Variants in NOX3 observed in about 807,000 individuals in gnomAD.
NOX3 encodes the protein NADPH oxidase catalytic subunit-like 3.
NOX3 carries 74 observed loss-of-function variants against 76.7 expected under a neutral mutation model. The ratio of observed to expected loss-of-function variants is 0.96; its 90% CI spans 0.80 to 1.17. The LOEUF (loss-of-function observed/expected upper bound fraction) is 1.17, where lower values mean the gene tolerates loss of function less well. NOX3 is among the 50% of genes most tolerant of loss of function. The pLI is 0.00. For missense variants in NOX3, 695 were observed against 703.3 expected, an observed-to-expected ratio of 0.99 and a Z score of 0.13; for synonymous variants, 263 against 261.1, an observed-to-expected ratio of 1.01 and a Z score of -0.07.
intron 11 of NOX3, among the ~76,000 whole-genome samples, chr6:155,409,859 C>T (rs571016399): frequency 6.6e-5 from 10 of 152,162 alleles, no homozygotes; most frequent in East Asian, 3.9e-4. Context: ...GTAGTAGAGA[C>T]GGGAGGGGGC....
intron 9 of NOX3, among the ~76,000 whole-genome samples, chr6:155,423,151 C>A (rs898274432): frequency 6.6e-6 from 1 of 152,162 alleles, no homozygotes; most frequent in Admixed American, 6.5e-5. Flanking sequence ...CTCCTTACAG[C>A]GCTTAGAAGC....
At chr6:155,435,713 G>T (rs566965810) in intron 7 of NOX3, among the ~76,000 whole-genome samples, 1 of 152,154 alleles carries the variant, frequency 6.6e-6, no homozygotes, top group African/African-American at 2.4e-5. Flanking sequence ...TCACTTGGTT[G>T]TCCCAAAGAT....
chr6:155,422,154 C>T (rs921495532), intron 10 of NOX3, among the ~76,000 whole-genome samples: 9 of 152,120 alleles, frequency 5.9e-5, no homozygotes, highest in Non-Finnish European at 8.8e-5. Context: ...GATGGAGTGT[C>T]TAGATACGAC....
chr6:155,430,177 G>C (rs1776813847), intron 8 of NOX3, among the ~76,000 whole-genome samples: 1 of 152,118 alleles, frequency 6.6e-6, no homozygotes, highest in African/African-American at 2.4e-5. Flanking sequence ...GAGAGTATTT[G>C]GCACCTTTTC....
At chr6:155,409,233 G>T (rs1396136183) in intron 11 of NOX3, among the ~76,000 whole-genome samples, 1 of 152,164 alleles carries the variant, frequency 6.6e-6, no homozygotes, top group Non-Finnish European at 1.5e-5. Context: ...GTGGCAGAGG[G>T]TGTTAAGTGA....
chr6:155,453,505 A>G lies in NOX3; in HGVS notation c.256-17T>C. 1 of 1,582,062 alleles carries G rather than the reference A, an allele frequency of 6.3e-7. No individual in the cohort carries two copies. The highest frequency in any genetic ancestry group is 8.7e-7 in the Non-Finnish European group (1 of 1,151,052). On this transcript the variant is annotated splice_polypyrimidine_tract_variant and intron_variant, in intron 3 of 13. Coordinates refer to ENST00000159060, the MANE Select transcript of NOX3 (RefSeq NM_015718.3). ...TCTGCAGCACTAGAGTAACAAAAAA[A>G]TATGCCTGATTTATGGAAAAATTGC... is the stretch of plus-strand genomic sequence containing the variant.
intron 10 of NOX3, among the ~76,000 whole-genome samples, chr6:155,417,710 G>T (rs1368654767): frequency 6.6e-6 from 1 of 152,166 alleles, no homozygotes; most frequent in African/African-American, 2.4e-5. Context: ...AAAGTAAACA[G>T]ATTAAATTAA....
At chr6:155,426,984 C>CCTGCGGG (rs1776762825) in intron 9 of NOX3, among the ~76,000 whole-genome samples, 1 of 41,906 alleles carries the variant, frequency 2.4e-5, no homozygotes, top group Non-Finnish European at 4.5e-5. Context: ...GACACTGTGG[C>CCTGCGGG]GTGTGTGTGT....
intron 10 of NOX3, among the ~76,000 whole-genome samples, chr6:155,419,121 A>C (rs1776656925): frequency 6.6e-6 from 1 of 152,250 alleles, no homozygotes; most frequent in Non-Finnish European, 1.5e-5. Flanking sequence ...TGGAAGGAGT[A>C]GTCTTTATAT....
chr6:155,425,830 A>G (rs980004437), intron 9 of NOX3, among the ~76,000 whole-genome samples: 1 of 152,204 alleles, frequency 6.6e-6, no homozygotes, highest in South Asian at 2.1e-4. Context: ...AACTCCATCA[A>G]CTGAGAAATT....
chr6:155,436,321 A>G, intron 7 of NOX3, 97 bp downstream of exon 7: 3 of 1,367,122 alleles, frequency 2.2e-6, no homozygotes, highest in Non-Finnish European at 3.1e-6. Flanking sequence ...GGCTTTGTCT[A>G]GTGGTGAAAT....
intron 4 of NOX3, among the ~76,000 whole-genome samples, chr6:155,449,772 C>A (rs545812659): frequency 6.6e-6 from 1 of 152,282 alleles, no homozygotes; most frequent in East Asian, 1.9e-4. Context: ...TGTGGTCGCA[C>A]TTTTTCCAAG....
chr6:155,433,981 T>C (rs1776868618), intron 7 of NOX3, among the ~76,000 whole-genome samples: 1 of 152,242 alleles, frequency 6.6e-6, no homozygotes, highest in African/African-American at 2.4e-5. Flanking sequence ...TAAAACGATG[T>C]TGATTCAAAA....
intron 6 of NOX3, 29 bp from the exon 7 acceptor site, chr6:155,436,576 CA>C (rs1562468551): frequency 1.2e-6 from 2 of 1,606,404 alleles, no homozygotes; most frequent in South Asian, 2.2e-5. Context: ...CAAAACAAAA[CA>C]AAAAGCAAAA....
Position 155,443,374 on chromosome 6 carries a change from A to G in NOX3, c.385T>C (p.Trp129Arg), listed in dbSNP as rs1364507070. 3 of 1,614,090 alleles carry G rather than the reference A, an allele frequency of 1.9e-6. No homozygotes were observed. Among genetic ancestry groups the G allele is most frequent in the Non-Finnish European group, 2.5e-6 (3 of 1,179,968 alleles). The part of the protein sequence containing the change: ...AHFFNLERYH[W>R]SQSEEAQGLL... ...CCCTGGGCCTCCTCGGACTGGCTCC[A>G]GTGGTAGCGTTCCAGGTTGAAGAAA... is the stretch of plus-strand genomic sequence containing the variant. Residue 129 changes from tryptophan (W) to arginine (R), a missense_variant, in exon 5 of 14, where the codon TGG (tryptophan) becomes CGG (arginine). Physicochemically the swap from Trp to Arg is moderately radical, Grantham distance 101. Coordinates refer to ENST00000159060, the MANE Select transcript of NOX3 (RefSeq NM_015718.3).
At chr6:155,421,368 C>T (rs986135446) in intron 10 of NOX3, among the ~76,000 whole-genome samples, 1 of 152,160 alleles carries the variant, frequency 6.6e-6, no homozygotes, top group Non-Finnish European at 1.5e-5. Context: ...TGTCAAGGAC[C>T]TGTCACTTGG....
Position 155,422,842 on chromosome 6 carries a change from C to T in NOX3, c.1160G>A (p.Gly387Glu). Reference sequence around the variant, plus strand: ...ATCTGTCAGGGCAGTTCCAAAGGGCCCGTCCACTGCCAGCCTGGAATCATA... The same window carrying T: ...ATCTGTCAGGGCAGTTCCAAAGGGCTCGTCCACTGCCAGCCTGGAATCATA... ...PWSLPRLAVD[G>E]PFGTALTDVF... Residue 387 changes from glycine (G) to glutamate (E), a missense_variant, in exon 10 of 14, where the codon GGG becomes GAG. Coordinates refer to ENST00000159060, the MANE Select transcript of NOX3 (RefSeq NM_015718.3). 6.2e-7 allele frequency: 1 copy of T among 1,614,156 alleles called. No individual in the cohort carries two copies. Among genetic ancestry groups the T allele is most frequent in the Non-Finnish European group, 8.5e-7 (1 of 1,179,998 alleles).
chr6:155,440,970 G>A (rs563811623), intron 5 of NOX3, among the ~76,000 whole-genome samples: 21 of 152,204 alleles, frequency 1.4e-4, no homozygotes, highest in East Asian at 7.7e-4. Context: ...TTTCTTTCAC[G>A]CCATCTCCGG....
chr6:155,404,499 C>T (rs1038254306), intron 12 of NOX3, among the ~76,000 whole-genome samples: 1 of 152,112 alleles, frequency 6.6e-6, no homozygotes, highest in African/African-American at 2.4e-5. Flanking sequence ...GGAAGTGACA[C>T]CTGGAAAAGT....
Sources: gnomAD v4.1 joint callset for allele counts (sites outside exome capture counted in the v4.1 genomes callset) on GRCh38, gnomAD v4.1.1 for gene constraint, MANE v1.5 for transcripts, NCBI Gene and HGNC (gene_info 2026-07-23, HGNC 2026-07-21) for gene names.